The following CDKN2B-AS1 variants were observed in gnomAD, a reference collection of about 807,000 sequenced individuals.
CDKN2B-AS1 encodes the protein CDKN2B antisense RNA 1 (non-protein coding).
intron 4 of CDKN2B-AS1, among the ~76,000 whole-genome samples, chr9:22,121,974 G>A (rs1826112453): frequency 6.6e-6 from 1 of 151,744 alleles, no homozygotes; most frequent in Non-Finnish European, 1.5e-5. Flanking sequence ...CCTCCATTCT[G>A]TCCTCCATAG....
chr9:22,072,525 A>T (rs1037597502), intron 4 of CDKN2B-AS1, among the ~76,000 whole-genome samples: 2 of 152,238 alleles, frequency 1.3e-5, no homozygotes, highest in African/African-American at 4.8e-5. Flanking sequence ...AGCTTAAGCT[A>T]TCTAAGCCTT....
intron 1 of CDKN2B-AS1, among the ~76,000 whole-genome samples, chr9:22,045,397 T>C (rs1206007238): frequency 3.9e-5 from 6 of 152,076 alleles, no homozygotes; most frequent in East Asian, 1.9e-4. Flanking sequence ...CTGGTGAAAG[T>C]AGAATTTTAC....
intron 4 of CDKN2B-AS1, among the ~76,000 whole-genome samples, chr9:22,063,423 T>A (rs957590674): frequency 6.6e-6 from 1 of 152,146 alleles, no homozygotes; most frequent in East Asian, 1.9e-4. Flanking sequence ...AATAGAAATA[T>A]AGAGGTTTAA....
In CDKN2B-AS1 at chr9:21,999,653, GTTTC is replaced by G. The variant is rs1820838725; in HGVS notation, n.29+4496_29+4499del. ...ATAACTTGTATAAGTATGCAGAAAT[GTTTC>G]TTTATAGCAGTGTGTATTAGCAAAC... On this transcript the variant is annotated intron_variant and non_coding_transcript_variant, in intron 1 of 4. Coordinates refer to ENST00000650946, the Ensembl canonical transcript of CDKN2B-AS1. The surrounding 1 kb of genome is among the most constrained non-coding windows in gnomAD (Gnocchi z 4.7). Among the ~76,000 whole-genome samples the G allele has an allele frequency of 6.6e-6, 1 of 152,136 alleles. No homozygotes were observed. Among genetic ancestry groups the G allele is most frequent in the Non-Finnish European group, 1.5e-5 (1 of 67,992 alleles).
At chr9:22,060,559 A>G (rs1243429167) in intron 4 of CDKN2B-AS1, among the ~76,000 whole-genome samples, 1 of 152,190 alleles carries the variant, frequency 6.6e-6, no homozygotes, top group Admixed American at 6.5e-5. Context: ...GAGCCTTTCA[A>G]ACTGTTCCAG....
chr9:22,045,073 T>TGTGTGTGTGTG (rs1823053606), intron 1 of CDKN2B-AS1, among the ~76,000 whole-genome samples: 1 of 151,556 alleles, frequency 6.6e-6, no homozygotes, highest in African/African-American at 2.4e-5. Flanking sequence ...TGTGTGTGTA[T>TGTGTGTGTGTG]TTATTTTCTT....
At chr9:22,069,978 T>G (rs1472135021) in intron 4 of CDKN2B-AS1, among the ~76,000 whole-genome samples, 1 of 152,170 alleles carries the variant, frequency 6.6e-6, no homozygotes, top group Admixed American at 6.6e-5. Flanking sequence ...TTCTTTCTAT[T>G]TTTTGGGAAT....
chr9:22,083,152 A>G (rs886875675), intron 4 of CDKN2B-AS1, among the ~76,000 whole-genome samples: 1 of 152,250 alleles, frequency 6.6e-6, no homozygotes, highest in Non-Finnish European at 1.5e-5. Flanking sequence ...ATCACATTTA[A>G]TAGATTCCCA....
At chr9:22,062,718 G>A (rs1823870896) in intron 4 of CDKN2B-AS1, among the ~76,000 whole-genome samples, 1 of 151,872 alleles carries the variant, frequency 6.6e-6, no homozygotes, top group African/African-American at 2.4e-5. Context: ...GTCTGGGTTG[G>A]CTCCACCACC....
At chr9:22,072,258 C>A (rs1282368352) in intron 4 of CDKN2B-AS1, among the ~76,000 whole-genome samples, 2 of 152,102 alleles carry the variant, frequency 1.3e-5, no homozygotes, top group African/African-American at 2.4e-5. Context: ...TTGATAGGTT[C>A]TTTTAGATAA....
chr9:22,080,625 C>G (rs1026615526), intron 4 of CDKN2B-AS1, among the ~76,000 whole-genome samples: 31 of 152,200 alleles, frequency 2.0e-4, no homozygotes, highest in African/African-American at 7.2e-4. Flanking sequence ...TGTGTTTTAC[C>G]ACATCACTCT....
At chr9:22,078,109 G>A (rs1367456002) in intron 4 of CDKN2B-AS1, among the ~76,000 whole-genome samples, 4 of 151,878 alleles carry the variant, frequency 2.6e-5, no homozygotes, top group African/African-American at 9.7e-5. Context: ...AATGTGTTTT[G>A]TTTGTGTCTA....
At chr9:22,048,579 A>G (rs1051642522) in intron 2 of CDKN2B-AS1, among the ~76,000 whole-genome samples, 1 of 152,152 alleles carries the variant, frequency 6.6e-6, no homozygotes, top group Non-Finnish European at 1.5e-5. Context: ...AGAGTTAAAT[A>G]TCTTTCATTT....
chr9:22,101,314 T>G (rs758115533), intron 4 of CDKN2B-AS1, among the ~76,000 whole-genome samples: 1 of 152,218 alleles, frequency 6.6e-6, no homozygotes, highest in Non-Finnish European at 1.5e-5. Flanking sequence ...ATAAGCAGAC[T>G]GAAAAAGTCA....
At chr9:22,119,136 CTG>C (rs1374894669) in intron 4 of CDKN2B-AS1, 1 of 151,604 alleles carries the variant, frequency 6.6e-6, no homozygotes, top group East Asian at 1.9e-4. Context: ...GGTGTAATAA[CTG>C]TGCCTGTCTT....
chr9:22,100,496 C>T (rs1249477757), intron 4 of CDKN2B-AS1, among the ~76,000 whole-genome samples: 1 of 152,090 alleles, frequency 6.6e-6, no homozygotes, highest in African/African-American at 2.4e-5. Context: ...ATACTTCATT[C>T]CTTTTTATTT....
intron 4 of CDKN2B-AS1, among the ~76,000 whole-genome samples, chr9:22,111,823 A>G (rs1253762732): frequency 6.6e-6 from 1 of 152,228 alleles, no homozygotes. Context: ...TATAATCAAG[A>G]TAGCATTAAA....
rs527638098 is a variant in CDKN2B-AS1, at chr9:22,064,253, C to A, written n.438+7866C>A. Among the ~76,000 whole-genome samples, 5 of 152,208 alleles carry A rather than the reference C, an allele frequency of 3.3e-5. No individual in the cohort carries two copies. In the South Asian group the frequency reaches 1.0e-3, roughly 32 times the overall value. On this transcript the variant is annotated intron_variant and non_coding_transcript_variant, in intron 4 of 4. Transcript: ENST00000650946. ...TGACACAAACATAGAAGTATACACACTGGTATAGTCAGATGGCATGAGTAC... is the reference window on the plus strand; with the variant it reads ...TGACACAAACATAGAAGTATACACAATGGTATAGTCAGATGGCATGAGTAC...
chr9:22,080,993 T>C (rs544871185), intron 4 of CDKN2B-AS1, among the ~76,000 whole-genome samples: 1 of 152,114 alleles, frequency 6.6e-6, no homozygotes, highest in South Asian at 2.1e-4. Context: ...AAATAAAGAG[T>C]TTAATCTCCA....
Sources: gnomAD v4.1 joint callset for allele counts (sites outside exome capture counted in the v4.1 genomes callset) on GRCh38, gnomAD v4.1.1 for gene constraint, Gnocchi (gnomAD v3.1) non-coding constraint, MANE v1.5 for transcripts, NCBI Gene and HGNC (gene_info 2026-07-23, HGNC 2026-07-21) for gene names.